AMPH: variants seen among roughly 807,000 people sequenced by gnomAD.
AMPH encodes amphiphysin.
Under a neutral mutation model 99.1 loss-of-function variants are expected in AMPH, and 49 were observed. The observed-to-expected ratio is 0.49, with a 90% confidence interval of 0.39 to 0.63. The LOEUF is 0.63. AMPH is among the 20% of genes least tolerant of loss of function. AMPH has a pLI of 0.00. For missense variants in AMPH, 759 were observed against 863.4 expected (o/e 0.88, Z 1.52); for synonymous variants, 314 against 317.3 (o/e 0.99, Z 0.11).
chr7:38,544,755 CTAAG>C (rs1790933063), intron 1 of AMPH, among the ~76,000 whole-genome samples: 1 of 152,204 alleles, frequency 6.6e-6, no homozygotes, highest in South Asian at 2.1e-4. Context: ...TCTAGGAAGA[CTAAG>C]TGAGAACACA....
At chr7:38,431,002 C>T (rs1296536377) in intron 13 of AMPH, among the ~76,000 whole-genome samples, 2 of 152,162 alleles carry the variant, frequency 1.3e-5, no homozygotes, top group African/African-American at 2.4e-5. Flanking sequence ...AAGAAGAAAA[C>T]ATACAACTTA....
chr7:38,613,144 A>C, intron 1 of AMPH, among the ~76,000 whole-genome samples: 1 of 152,236 alleles, frequency 6.6e-6, no homozygotes, highest in East Asian at 1.9e-4. Flanking sequence ...TGAGAAGGTC[A>C]GGATTTGAAT....
chr7:38,407,617 T>A (rs1156778745), intron 17 of AMPH, among the ~76,000 whole-genome samples: 2 of 151,754 alleles, frequency 1.3e-5, no homozygotes, highest in Non-Finnish European at 2.9e-5. Flanking sequence ...AAAATAAAAT[T>A]TAAAAATTTT....
chr7:38,428,083 G>A (rs1425597828), intron 14 of AMPH: 1 of 456,686 alleles, frequency 2.2e-6, no homozygotes, highest in South Asian at 1.5e-5. Flanking sequence ...TCTTCCTTGT[G>A]CTCAACTACA....
chr7:38,491,350 C>A (rs899634782), intron 4 of AMPH, among the ~76,000 whole-genome samples: 11 of 152,164 alleles, frequency 7.2e-5, no homozygotes, highest in Non-Finnish European at 1.5e-4. Flanking sequence ...CAGGCTAGCT[C>A]AGAGCTCAGC....
intron 1 of AMPH, among the ~76,000 whole-genome samples, chr7:38,556,157 T>C (rs1336297369): frequency 6.6e-6 from 1 of 151,854 alleles, no homozygotes; most frequent in African/African-American, 2.4e-5. Flanking sequence ...GAAGATAAAA[T>C]TAATTGTTTT....
chr7:38,513,326 A>G (rs1188089998), intron 2 of AMPH, among the ~76,000 whole-genome samples: 1 of 152,220 alleles, frequency 6.6e-6, no homozygotes. Context: ...CATACTATTT[A>G]GCAAGCTATG....
chr7:38,478,028 C>T (rs1179169848), intron 5 of AMPH, among the ~76,000 whole-genome samples: 1 of 151,822 alleles, frequency 6.6e-6, no homozygotes, highest in African/African-American at 2.4e-5. Flanking sequence ...ATGAGGCTGA[C>T]TTTGCCTAAA....
chr7:38,441,818 TC>T (rs1298982887), intron 11 of AMPH, among the ~76,000 whole-genome samples: 1 of 65,886 alleles, frequency 1.5e-5, no homozygotes, highest in African/African-American at 5.2e-5. Context: ...ATCATATATA[TC>T]ATATATCATA....
At chr7:38,416,256 G>GA (rs1305696488) in intron 17 of AMPH, among the ~76,000 whole-genome samples, 1 of 151,764 alleles carries the variant, frequency 6.6e-6, no homozygotes, top group East Asian at 1.9e-4. Flanking sequence ...ATGGGTGTGG[G>GA]AGGTATATGA....
chr7:38,530,794 T>C (rs1295039443), intron 2 of AMPH, among the ~76,000 whole-genome samples: 1 of 152,210 alleles, frequency 6.6e-6, no homozygotes, highest in East Asian at 1.9e-4. Flanking sequence ...TTTTGCTACT[T>C]GTTAACAGCT....
intron 1 of AMPH, among the ~76,000 whole-genome samples, chr7:38,595,612 GT>G (rs1793024637): frequency 6.6e-6 from 1 of 152,108 alleles, no homozygotes; most frequent in African/African-American, 2.4e-5. Context: ...ACATGTACAG[GT>G]TTTTTACATG....
At chr7:38,625,238 A>C (rs78231139) in intron 1 of AMPH, among the ~76,000 whole-genome samples, 5 of 152,220 alleles carry the variant, frequency 3.3e-5, no homozygotes. Flanking sequence ...AGATTACCAC[A>C]AAAGGGCAGA....
At chr7:38,538,178 G>A (rs1016385407) in intron 1 of AMPH, among the ~76,000 whole-genome samples, 2 of 152,206 alleles carry the variant, frequency 1.3e-5, no homozygotes, top group Admixed American at 6.5e-5. Context: ...TCTCAGAGAA[G>A]AGACTTACTC....
At chr7:38,624,877 TC>T (rs1270037942) in intron 1 of AMPH, among the ~76,000 whole-genome samples, 1 of 151,662 alleles carries the variant, frequency 6.6e-6, no homozygotes, top group African/African-American at 2.4e-5. Flanking sequence ...ATACAAGAGT[TC>T]CATACATTTT....
At chr7:38,566,445 T>C (rs12154506) in intron 1 of AMPH, among the ~76,000 whole-genome samples, 42,718 of 151,760 alleles carry the variant, frequency 0.28, 6,365 homozygotes, top group Non-Finnish European at 0.34. Context: ...ATAAAAACCG[T>C]AGAAGAAAAC....
chr7:38,385,013 T>C, intron 20 of AMPH, 88 bp from the exon 21 acceptor site: 1 of 1,229,860 alleles, frequency 8.1e-7, no homozygotes, highest in Non-Finnish European at 1.2e-6. Flanking sequence ...GTTACATTAG[T>C]GTTGTGGTTC....
chr7:38,571,494 T>G (rs1466400945), intron 1 of AMPH, among the ~76,000 whole-genome samples: 1 of 134,844 alleles, frequency 7.4e-6, no homozygotes, highest in East Asian at 2.1e-4. Context: ...ATATTCTATA[T>G]AAATATATTC....
intron 5 of AMPH, among the ~76,000 whole-genome samples, chr7:38,488,629 C>G (rs1243698432): frequency 6.6e-6 from 1 of 152,078 alleles, no homozygotes; most frequent in Admixed American, 6.6e-5. Flanking sequence ...TGTAACAAAC[C>G]TGCACATTCT....
Sources: allele counts gnomAD v4.1 joint callset (sites outside exome capture counted in the v4.1 genomes callset), GRCh38; gene constraint gnomAD v4.1.1; transcripts MANE v1.5; gene names NCBI Gene and HGNC (gene_info 2026-07-23, HGNC 2026-07-21).